MAGI1: variants seen among roughly 807,000 people sequenced by gnomAD.
The protein encoded by MAGI1 is membrane-associated guanylate kinase, WW and PDZ domain-containing protein 1.
Under a neutral mutation model 139.9 loss-of-function variants are expected in MAGI1, and 58 were observed. The observed-to-expected ratio is 0.41, with a 90% CI of 0.34 to 0.52. The LOEUF (loss-of-function observed/expected upper bound fraction) is 0.52, where lower values mean the gene tolerates loss of function less well. MAGI1 is among the 20% of genes least tolerant of loss of function. The probability of loss-of-function intolerance (pLI) is 0.12; values close to 1 mark genes in which losing one functional copy is unlikely to be tolerated. For missense variants in MAGI1, 1,874 were observed against 1,901.6 expected (o/e 0.99, Z 0.27); for synonymous variants, 812 against 737.9 (o/e 1.10, Z -1.63).
In MAGI1 at chr3:65,849,383, G is replaced by A. The variant is rs1229725304; in HGVS notation, c.313+188613C>T. Reference sequence around the variant, plus strand: ...GCAATGTTGGGTAGCCTCTTTGTCAGTCTGAATGACAGTGATGAGCACAGT... The same window carrying A: ...GCAATGTTGGGTAGCCTCTTTGTCAATCTGAATGACAGTGATGAGCACAGT... On this transcript the variant is annotated intron_variant, in intron 1 of 22. Transcript: ENST00000402939. Among the ~76,000 whole-genome samples the A allele has an allele frequency of 3.3e-5, 5 of 151,564 alleles. No individual in the cohort carries two copies. The East Asian group carries it at 9.7e-4, about 29-fold the overall frequency.
intron 1 of MAGI1, among the ~76,000 whole-genome samples, chr3:65,641,312 G>A (rs2084971116): frequency 6.6e-6 from 1 of 152,154 alleles, no homozygotes; most frequent in Non-Finnish European, 1.5e-5. Flanking sequence ...CTAAGACAGG[G>A]AAGTAAACTT....
At chr3:65,903,248 C>T (rs2061311830) in intron 1 of MAGI1, among the ~76,000 whole-genome samples, 1 of 152,122 alleles carries the variant, frequency 6.6e-6, no homozygotes, top group Non-Finnish European at 1.5e-5. Flanking sequence ...CCCACCTTGG[C>T]CTCCCAAAGT....
intron 1 of MAGI1, among the ~76,000 whole-genome samples, chr3:65,778,292 T>C (rs924029627): frequency 2.6e-5 from 4 of 151,870 alleles, no homozygotes; most frequent in Admixed American, 1.3e-4. Flanking sequence ...TAGCTGGGCA[T>C]GGTGGCGGGT....
chr3:65,543,408 C>A (rs532904000), intron 2 of MAGI1, among the ~76,000 whole-genome samples: 1 of 152,070 alleles, frequency 6.6e-6, no homozygotes, highest in Admixed American at 6.6e-5. Context: ...TGGGTATATA[C>A]CCAAAGGATT....
rs938481395 is a variant in MAGI1 at position 65,379,364 on chromosome 3, G to A, written c.2892C>T (p.Thr964=). 8 of 1,612,832 alleles carry A rather than the reference G, an allele frequency of 5.0e-6. No homozygotes were observed. Among genetic ancestry groups the A allele is most frequent in the Non-Finnish European group, 5.9e-6 (7 of 1,179,348 alleles). ...GGGGGSGVVS[T]VVQPYDVEIR... The stretch of plus-strand genomic sequence containing the variant: ...TCTCCACGTCGTAGGGCTGCACCAC[G>A]GTGCTGACCACGCCGCTGCCCCCGC... The change falls in exon 17 of 23, where the codon ACC becomes ACT. Residue 964 remains threonine, a synonymous_variant. Transcript: ENST00000402939.
rs922626745 is a variant in MAGI1 at position 65,546,775 on chromosome 3, T to A, written c.431-53144A>T. ...TGGTGTTAATTCTCCCAGCTGGTTT[T>A]CAGACAGCTTTAAAATTAACTTTGA... On this transcript the variant is annotated intron_variant, in intron 2 of 22. Transcript: ENST00000402939. Among the ~76,000 whole-genome samples the A allele has an allele frequency of 3.9e-5, 6 of 152,288 alleles. 1 individual carries two copies. The East Asian group carries it at 1.2e-3, about 29-fold the overall frequency.
intron 1 of MAGI1, among the ~76,000 whole-genome samples, chr3:66,009,989 T>A (rs760411045): frequency 1.9e-4 from 27 of 140,546 alleles, no homozygotes; most frequent in Non-Finnish European, 3.2e-4. Context: ...GGTAGGAGAA[T>A]CGCTTGAACC....
chr3:65,893,212 A>G (rs1255944070), intron 1 of MAGI1, among the ~76,000 whole-genome samples: 1 of 152,056 alleles, frequency 6.6e-6, no homozygotes, highest in Non-Finnish European at 1.5e-5. Flanking sequence ...ATGTCCTCTA[A>G]TTGGAGTCAT....
intron 1 of MAGI1, among the ~76,000 whole-genome samples, chr3:65,936,113 T>A (rs78433795): frequency 0.058 from 8,851 of 152,234 alleles, 367 homozygotes; most frequent in Middle Eastern, 0.11. Context: ...GTTAAGGACT[T>A]CAACTGACCT....
At chr3:65,930,947 T>C (rs904698538) in intron 1 of MAGI1, among the ~76,000 whole-genome samples, 4 of 152,148 alleles carry the variant, frequency 2.6e-5, no homozygotes, top group African/African-American at 9.7e-5. Context: ...GTTTAGCATA[T>C]AATCAAGAAG....
chr3:65,542,804 G>T (rs374655373), intron 2 of MAGI1, among the ~76,000 whole-genome samples: 2 of 152,096 alleles, frequency 1.3e-5, no homozygotes, highest in African/African-American at 4.8e-5. Context: ...AACCATAGAA[G>T]AAAACCTAGG....
chr3:65,882,389 T>G (rs1285284275), intron 1 of MAGI1, among the ~76,000 whole-genome samples: 1 of 152,124 alleles, frequency 6.6e-6, no homozygotes, highest in Non-Finnish European at 1.5e-5. Flanking sequence ...TAGCAATCTC[T>G]TCTGTTCACC....
At chr3:65,596,057 T>C (rs1373818847) in intron 2 of MAGI1, among the ~76,000 whole-genome samples, 1 of 152,142 alleles carries the variant, frequency 6.6e-6, no homozygotes, top group Non-Finnish European at 1.5e-5. Flanking sequence ...GTCGACGAGT[T>C]TCAGTGCAAG....
intron 1 of MAGI1, among the ~76,000 whole-genome samples, chr3:65,735,356 CGT>C (rs368243061): frequency 1.8e-4 from 26 of 147,986 alleles, no homozygotes; most frequent in Non-Finnish European, 2.7e-4. Context: ...TGTGTCTGCA[CGT>C]GTGTGTGTGT....
intron 1 of MAGI1, among the ~76,000 whole-genome samples, chr3:65,710,029 C>T (rs1238783719): frequency 6.6e-6 from 1 of 152,108 alleles, no homozygotes; most frequent in African/African-American, 2.4e-5. Context: ...CCACATAAAG[C>T]CCAAGCTTTT....
intron 1 of MAGI1, among the ~76,000 whole-genome samples, chr3:65,729,119 ACGGGGGG>A (rs749094900): frequency 2.4e-4 from 2 of 8,280 alleles, no homozygotes; most frequent in African/African-American, 3.7e-4. Flanking sequence ...AAAAAATGGA[ACGGGGGG>A]GGGGGGGGGG....
At chr3:65,503,994 G>A (rs2077181793) in intron 2 of MAGI1, among the ~76,000 whole-genome samples, 1 of 152,158 alleles carries the variant, frequency 6.6e-6, no homozygotes, top group African/African-American at 2.4e-5. Flanking sequence ...AGAAAAATGT[G>A]AACCTTCCAG....
At chr3:65,912,266 T>G (rs1415267764) in intron 1 of MAGI1, among the ~76,000 whole-genome samples, 1 of 151,336 alleles carries the variant, frequency 6.6e-6, no homozygotes, top group Non-Finnish European at 1.5e-5. Context: ...TTCTGCTTCC[T>G]AAATCATACA....
intron 1 of MAGI1, among the ~76,000 whole-genome samples, chr3:65,656,973 C>A (rs1023278505): frequency 2.2e-5 from 2 of 91,468 alleles, no homozygotes; most frequent in African/African-American, 8.5e-5. Flanking sequence ...CAGGAGGACA[C>A]CATCTCAAAA....
Sources: gnomAD v4.1 joint callset for allele counts (sites outside exome capture counted in the v4.1 genomes callset) on GRCh38, gnomAD v4.1.1 for gene constraint, MANE v1.5 for transcripts, NCBI Gene and HGNC (gene_info 2026-07-23, HGNC 2026-07-21) for gene names.